The following LDLRAD4 variants were observed in gnomAD, a reference collection of about 807,000 sequenced individuals.
LDLRAD4 encodes the protein low density lipoprotein receptor class A domain containing 4.
LDLRAD4 carries 5 observed loss-of-function variants against 17.0 expected under a neutral mutation model. That is an observed-to-expected ratio of 0.29 (90% CI 0.15 to 0.62). The LOEUF is 0.62. Among genes scored for constraint, LDLRAD4 ranks in the 20% least tolerant of loss-of-function variants. The pLI is 0.84. For missense variants in LDLRAD4, 340 were observed against 424.7 expected (o/e 0.80, Z 1.75); for synonymous variants, 168 against 171.8 (o/e 0.98, Z 0.17).
intron 1 of LDLRAD4, among the ~76,000 whole-genome samples, chr18:13,379,844 A>G (rs2085204213): frequency 6.6e-6 from 1 of 152,112 alleles, no homozygotes; most frequent in African/African-American, 2.4e-5. Context: ...CTTCCTGCCC[A>G]CACTTGTTAG....
chr18:13,411,217 A>C (rs1428520889), intron 2 of LDLRAD4, among the ~76,000 whole-genome samples: 1 of 151,514 alleles, frequency 6.6e-6, no homozygotes, highest in Non-Finnish European at 1.5e-5. Context: ...GTGCCACTGC[A>C]CTTCAACCTG....
intron 1 of LDLRAD4, among the ~76,000 whole-genome samples, chr18:13,343,961 C>A (rs190037956): frequency 6.6e-6 from 1 of 152,226 alleles, no homozygotes; most frequent in African/African-American, 2.4e-5. Context: ...TGCTTGAGTT[C>A]ATTGTAGATT....
chr18:13,528,045 T>G (rs2094062028), intron 3 of LDLRAD4, among the ~76,000 whole-genome samples: 1 of 152,214 alleles, frequency 6.6e-6, no homozygotes, highest in African/African-American at 2.4e-5. Flanking sequence ...TCGTCTGCCT[T>G]TCTACCCAAA....
chr18:13,413,166 C>T (rs2145727325), intron 2 of LDLRAD4, among the ~76,000 whole-genome samples: 1 of 152,302 alleles, frequency 6.6e-6, no homozygotes, highest in East Asian at 1.9e-4. Context: ...CTGTGCTTGG[C>T]TGTAAGGAAG....
At position 13,548,181 on chromosome 18, in the gene LDLRAD4, G is replaced by A. The variant is rs540753717; in HGVS notation, c.182-72936G>A. Among the ~76,000 whole-genome samples, 169 of 152,284 alleles carry A rather than the reference G, an allele frequency of 1.1e-3. 1 individual carries two copies. The highest frequency in any genetic ancestry group is 4.4e-3 in the Admixed American group (67 of 15,298). The stretch of plus-strand genomic sequence containing the variant: ...GCCTGAGTCTGGCTGAGTCTGGGGG[G>A]TTTTATGGGCTTCAGAAGGGAGGAA... On this transcript the variant is annotated intron_variant, in intron 3 of 5. Coordinates refer to ENST00000359446, the Ensembl canonical transcript of LDLRAD4.
intron 1 of LDLRAD4, among the ~76,000 whole-genome samples, chr18:13,363,468 G>A (rs969201655): frequency 1.3e-5 from 2 of 152,166 alleles, no homozygotes; most frequent in Non-Finnish European, 1.5e-5. Flanking sequence ...TTTCTCAAGT[G>A]TGCAAGGGTG....
At chr18:13,351,858 T>C (rs1166198099) in intron 1 of LDLRAD4, among the ~76,000 whole-genome samples, 2 of 152,168 alleles carry the variant, frequency 1.3e-5, no homozygotes, top group African/African-American at 4.8e-5. Context: ...AATGCAAACA[T>C]TTTCAATAAG....
intron 3 of LDLRAD4, among the ~76,000 whole-genome samples, chr18:13,545,074 TGGTGCTCCCCAGAA>T (rs2094341692): frequency 6.6e-6 from 1 of 152,130 alleles, no homozygotes; most frequent in Non-Finnish European, 1.5e-5. Flanking sequence ...CCTTATCCAG[TGGTGCTCCCCAGAA>T]GGTCCTCAGC....
intron 1 of LDLRAD4, among the ~76,000 whole-genome samples, chr18:13,352,818 G>A (rs919389516): frequency 1.3e-5 from 2 of 151,760 alleles, no homozygotes; most frequent in Non-Finnish European, 2.9e-5. Context: ...TAAATGACTT[G>A]TCTTTAGATT....
intron 2 of LDLRAD4, among the ~76,000 whole-genome samples, chr18:13,410,429 A>G (rs2088229299): frequency 6.6e-6 from 1 of 152,232 alleles, no homozygotes. Flanking sequence ...GGTTAAGGAG[A>G]GTAGACAGGA....
intron 1 of LDLRAD4, among the ~76,000 whole-genome samples, chr18:13,238,783 A>T (rs1387841947): frequency 6.6e-6 from 1 of 152,120 alleles, no homozygotes; most frequent in Non-Finnish European, 1.5e-5. Context: ...TGGAAATGTG[A>T]TTTTATAATG....
At chr18:13,254,059 G>C (rs2043369920) in intron 1 of LDLRAD4, among the ~76,000 whole-genome samples, 1 of 152,262 alleles carries the variant, frequency 6.6e-6, no homozygotes, top group Non-Finnish European at 1.5e-5. Context: ...TAGTGCTGGA[G>C]GGGAGGAGAG....
At chr18:13,441,966 C>T (rs771087878) in intron 3 of LDLRAD4, among the ~76,000 whole-genome samples, 6 of 152,174 alleles carry the variant, frequency 3.9e-5, no homozygotes, top group Non-Finnish European at 8.8e-5. Context: ...ATGAGTTTTC[C>T]TGGCTGCATC....
chr18:13,544,837 CCCT>C, intron 3 of LDLRAD4, among the ~76,000 whole-genome samples: 1 of 151,030 alleles, frequency 6.6e-6, no homozygotes, highest in Non-Finnish European at 1.5e-5. Context: ...GGGTCCAACT[CCCT>C]GGAGCACATC....
chr18:13,378,206 T>C (rs1259569997), intron 1 of LDLRAD4, among the ~76,000 whole-genome samples: 1 of 152,194 alleles, frequency 6.6e-6, no homozygotes, highest in East Asian at 1.9e-4. Context: ...GTAGGGTGTT[T>C]TGCTGCGTGT....
intron 2 of LDLRAD4, among the ~76,000 whole-genome samples, chr18:13,389,829 C>T (rs1330044615): frequency 6.6e-6 from 1 of 152,262 alleles, no homozygotes; most frequent in Admixed American, 6.5e-5. Context: ...ACTCAGAATC[C>T]TGTGGTTCTG....
At chr18:13,510,167 G>A (rs2093755104) in intron 3 of LDLRAD4, among the ~76,000 whole-genome samples, 1 of 152,198 alleles carries the variant, frequency 6.6e-6, no homozygotes, top group Non-Finnish European at 1.5e-5. Flanking sequence ...TCAGAGGCAG[G>A]TGTTATTTAA....
At chr18:13,232,301 G>T (rs1598792125) in intron 1 of LDLRAD4, among the ~76,000 whole-genome samples, 1 of 152,242 alleles carries the variant, frequency 6.6e-6, no homozygotes, top group Non-Finnish European at 1.5e-5. Flanking sequence ...GGATCTGCCA[G>T]TGTGGCCCCT....
intron 3 of LDLRAD4, among the ~76,000 whole-genome samples, chr18:13,571,654 T>C (rs2094692410): frequency 6.6e-6 from 1 of 152,176 alleles, no homozygotes; most frequent in Non-Finnish European, 1.5e-5. Context: ...TTATTTATTT[T>C]GAGATGGATT....
Sources: gnomAD v4.1 joint callset for allele counts (sites outside exome capture counted in the v4.1 genomes callset) on GRCh38, gnomAD v4.1.1 for gene constraint, MANE v1.5 for transcripts, NCBI Gene and HGNC (gene_info 2026-07-23, HGNC 2026-07-21) for gene names.